Variants in NDST4 observed in about 807,000 individuals in gnomAD.
NDST4 encodes the protein N-deacetylase and N-sulfotransferase 4, also known as N-heparan sulfate sulfotransferase 4.
NDST4 carries 63 observed loss-of-function variants against 100.8 expected under a neutral mutation model. The observed-to-expected ratio is 0.62, with a 90% CI of 0.51 to 0.77. The LOEUF (loss-of-function observed/expected upper bound fraction) is 0.77. NDST4 is among the 30% of genes least tolerant of loss of function. The pLI, the probability that NDST4 is intolerant of heterozygous loss-of-function variation, is 0.00. For missense variants in NDST4, 943 were observed against 1,018.4 expected (o/e 0.93, Z 1.01); for synonymous variants, 377 against 361.8 (o/e 1.04, Z -0.48).
rs1264476589 is a variant in NDST4, at chr4:114,977,181, T to G, written c.1066+6A>C. ...AGCTGCCTGAGAACACAAAGCTCCT[T>G]CTTACCTGTGTGGTAAAACTTCCCT... On this transcript the variant is annotated splice_donor_region_variant and intron_variant, in intron 3 of 13. Coordinates refer to ENST00000264363, the MANE Select transcript of NDST4 (RefSeq NM_022569.3). The G allele has an allele frequency of 3.2e-6, 5 of 1,577,454 alleles. No individual in the cohort carries two copies. Among genetic ancestry groups the G allele is most frequent in the Non-Finnish European group, 4.3e-6 (5 of 1,150,080 alleles).
At chr4:115,053,034 G>A in intron 2 of NDST4, among the ~76,000 whole-genome samples, 1 of 152,118 alleles carries the variant, frequency 6.6e-6, no homozygotes, top group East Asian at 1.9e-4. Context: ...TGTTTAGAAG[G>A]AAATAAGACT....
chr4:114,970,439 T>G lies in NDST4; in HGVS notation c.1212A>C (p.Glu404Asp), dbSNP rs1367670532. Residue 404 changes from glutamate (E) to aspartate (D), a missense_variant, in exon 4 of 14, where the codon GAA becomes GAC. Coordinates refer to ENST00000264363, the MANE Select transcript of NDST4 (RefSeq NM_022569.3). ...SLVEQMILNKEFALEHGIPIN... is the reference protein window; with the variant it reads ...SLVEQMILNKDFALEHGIPIN... ...AATAAAATGTGCTCACCAGTGCAAA[T>G]TCCTTGTTGAGAATCATCTGCTCTA... 6.2e-7 allele frequency: 1 copy of G among 1,613,272 alleles called. No individual in the cohort carries two copies. The highest frequency in any genetic ancestry group is 1.1e-5 in the South Asian group (1 of 90,952).
At chr4:114,946,636 G>A (rs1391197697) in intron 4 of NDST4, among the ~76,000 whole-genome samples, 3 of 152,148 alleles carry the variant, frequency 2.0e-5, no homozygotes, top group African/African-American at 4.8e-5. Context: ...TTTTGCAGCA[G>A]AGTTAACAAA....
chr4:115,048,026 T>C (rs1035810575), intron 2 of NDST4, among the ~76,000 whole-genome samples: 5 of 152,154 alleles, frequency 3.3e-5, no homozygotes, highest in Non-Finnish European at 7.4e-5. Flanking sequence ...TTTGTATTCT[T>C]TCCTGAAACT....
intron 2 of NDST4, among the ~76,000 whole-genome samples, chr4:115,020,674 G>A (rs1727790169): frequency 1.3e-5 from 2 of 151,838 alleles, no homozygotes; most frequent in African/African-American, 2.4e-5. Flanking sequence ...TCTGAAAAAG[G>A]ACTAATATCC....
intron 7 of NDST4, among the ~76,000 whole-genome samples, chr4:114,861,356 A>C (rs970118687): frequency 2.6e-5 from 4 of 152,204 alleles, no homozygotes; most frequent in Admixed American, 6.5e-5. Flanking sequence ...GGTTGTTGAC[A>C]GCATTATATG....
intron 7 of NDST4, among the ~76,000 whole-genome samples, chr4:114,857,583 A>G (rs1450524286): frequency 2.0e-5 from 3 of 152,234 alleles, no homozygotes; most frequent in African/African-American, 4.8e-5. Flanking sequence ...GGGCTAACCC[A>G]TATGTTAGTA....
intron 4 of NDST4, among the ~76,000 whole-genome samples, chr4:114,938,001 T>C (rs1286663633): frequency 6.6e-6 from 1 of 152,148 alleles, no homozygotes; most frequent in Non-Finnish European, 1.5e-5. Flanking sequence ...ACAAGGTAGA[T>C]AAGGAAGCTC....
chr4:115,058,406 C>T (rs966125637), intron 2 of NDST4, among the ~76,000 whole-genome samples: 4 of 152,222 alleles, frequency 2.6e-5, no homozygotes, highest in African/African-American at 7.2e-5. Flanking sequence ...TTTATTACTA[C>T]AACAAGGGCT....
At chr4:115,021,564 C>T (rs1359417029) in intron 2 of NDST4, among the ~76,000 whole-genome samples, 4 of 50,520 alleles carry the variant, frequency 7.9e-5, no homozygotes, top group Non-Finnish European at 4.0e-5. Context: ...TATATACACA[C>T]GTTCCACATA....
At chr4:114,957,443 A>G (rs1726164965) in intron 4 of NDST4, among the ~76,000 whole-genome samples, 1 of 152,182 alleles carries the variant, frequency 6.6e-6, no homozygotes, top group Admixed American at 6.5e-5. Context: ...TGATTCAATT[A>G]TTCAATTACC....
intron 4 of NDST4, chr4:114,955,914 AGGCTTATGATTTCTCCTTGGAAAT>A (rs1726128564): frequency 6.6e-6 from 1 of 152,128 alleles, no homozygotes; most frequent in Non-Finnish European, 1.5e-5. Context: ...TGTCAAGTCT[AGGCTTATGATTTCTCCTTGGAAAT>A]GGCAGTCCAC....
intron 2 of NDST4, 76 bp downstream of exon 2, chr4:115,075,983 T>C: frequency 6.8e-7 from 1 of 1,478,142 alleles, no homozygotes; most frequent in Middle Eastern, 1.8e-4. Context: ...GGATTAATAA[T>C]CTATCATATT....
chr4:115,081,808 C>G (rs1272617338), intron 1 of NDST4, among the ~76,000 whole-genome samples: 1 of 152,150 alleles, frequency 6.6e-6, no homozygotes, highest in Non-Finnish European at 1.5e-5. Flanking sequence ...TTTCCTTTCC[C>G]CACTTTCCCC....
intron 6 of NDST4, among the ~76,000 whole-genome samples, chr4:114,912,319 T>A (rs1725078531): frequency 6.6e-6 from 1 of 152,122 alleles, no homozygotes; most frequent in Non-Finnish European, 1.5e-5. Context: ...CCTTGAAGAT[T>A]TGAATGGCCT....
At chr4:114,982,253 G>A (rs949604679) in intron 2 of NDST4, among the ~76,000 whole-genome samples, 6 of 152,194 alleles carry the variant, frequency 3.9e-5, no homozygotes, top group Admixed American at 3.3e-4. Context: ...ACAGGAAGAT[G>A]TGGGAAAGGT....
At chr4:114,928,263 T>C (rs910503797) in intron 6 of NDST4, among the ~76,000 whole-genome samples, 1 of 152,204 alleles carries the variant, frequency 6.6e-6, no homozygotes, top group African/African-American at 2.4e-5. Context: ...GGTTACTTCT[T>C]TCCTCATTCC....
chr4:115,082,002 G>A (rs1729315041), intron 1 of NDST4, among the ~76,000 whole-genome samples: 1 of 151,278 alleles, frequency 6.6e-6, no homozygotes, highest in African/African-American at 2.4e-5. Context: ...TAAAAATTTG[G>A]AAGGAGAGAT....
At chr4:114,830,102 T>A (rs1265669115) in intron 12 of NDST4, among the ~76,000 whole-genome samples, 1 of 152,194 alleles carries the variant, frequency 6.6e-6, no homozygotes, top group Non-Finnish European at 1.5e-5. Flanking sequence ...TATACTATAC[T>A]GAAAAAAGAA....
Sources: gnomAD v4.1 joint callset for allele counts (sites outside exome capture counted in the v4.1 genomes callset) on GRCh38, gnomAD v4.1.1 for gene constraint, MANE v1.5 for transcripts, NCBI Gene and HGNC (gene_info 2026-07-23, HGNC 2026-07-21) for gene names.